Variants in MLIP observed in about 807,000 individuals in gnomAD.
MLIP encodes muscular LMNA interacting protein.
Under a neutral mutation model 84.8 loss-of-function variants are expected in MLIP, and 79 were observed. That is an observed-to-expected ratio of 0.93 (90% CI 0.78 to 1.12). The LOEUF (loss-of-function observed/expected upper bound fraction) is 1.12, where lower values mean the gene tolerates loss of function less well. Among genes scored for constraint, MLIP ranks in the 50% most tolerant of loss-of-function variants. The pLI, the probability that MLIP is intolerant of heterozygous loss-of-function variation, is 0.00. For synonymous variants in MLIP, 504 were observed against 463.0 expected (o/e 1.09, Z -1.14); for missense variants, 1,257 against 1,160.6 (o/e 1.08, Z -1.21).
intron 3 of MLIP, among the ~76,000 whole-genome samples, chr6:54,131,703 G>T (rs16884761): frequency 0.07 from 10,586 of 152,200 alleles, 524 homozygotes; most frequent in East Asian, 0.22. Context: ...GGAAATATAG[G>T]ATCAAGAAAG....
upstream of MLIP, among the ~76,000 whole-genome samples, chr6:54,107,008 G>C (rs945513125): frequency 1.3e-5 from 2 of 152,202 alleles, no homozygotes; most frequent in Non-Finnish European, 2.9e-5. Context: ...TGGATTGCCT[G>C]AAACCAAGCT....
chr6:54,254,742 C>CCCTTCCTT lies in MLIP; in HGVS notation c.2923-2547_2923-2540dup, dbSNP rs372950271. ...TAGAATCTTCTTTTTTTTTCTCCCT[C>CCCTTCCTT]CCTTCCTTCCTTCCTTCCTTCCTTC... On this transcript the variant is annotated intron_variant, in intron 12 of 13. Coordinates refer to ENST00000502396, the MANE Select transcript of MLIP (RefSeq NM_001281747.2). Among the ~76,000 whole-genome samples the CCCTTCCTT allele has an allele frequency of 3.8e-3, 473 of 125,056 alleles. 4 individuals are homozygous for CCCTTCCTT. Among genetic ancestry groups the CCCTTCCTT allele is most frequent in the African/African-American group, 0.013 (387 of 30,304 alleles). The allele number at this position is 125,056 out of a possible 152,430, so 82.0% of individuals were successfully genotyped here.
intron 12 of MLIP, among the ~76,000 whole-genome samples, chr6:54,242,967 T>C (rs1287671930): frequency 2.0e-5 from 3 of 152,150 alleles, no homozygotes; most frequent in African/African-American, 7.2e-5. Flanking sequence ...TAAAGATGTA[T>C]TGAATATCTG....
chr6:54,024,493 T>C (rs1451930857), intron 1 of MLIP, among the ~76,000 whole-genome samples: 4 of 152,158 alleles, frequency 2.6e-5, no homozygotes, highest in Admixed American at 6.5e-5. Context: ...CTAGTGCCTA[T>C]TGGATGACAA....
chr6:54,242,957 T>C (rs1400494195), intron 12 of MLIP, among the ~76,000 whole-genome samples: 1 of 152,204 alleles, frequency 6.6e-6, no homozygotes, highest in East Asian at 1.9e-4. Flanking sequence ...ATTCATTTCC[T>C]AAAGATGTAT....
intron 1 of MLIP, among the ~76,000 whole-genome samples, chr6:54,038,838 T>C (rs1764589426): frequency 6.6e-6 from 1 of 151,920 alleles, no homozygotes; most frequent in South Asian, 2.1e-4. Context: ...TTTTATTACA[T>C]AAAATAACTC....
intron 5 of MLIP, among the ~76,000 whole-genome samples, chr6:54,159,376 A>G (rs1209219665): frequency 6.6e-6 from 1 of 152,110 alleles, no homozygotes; most frequent in Non-Finnish European, 1.5e-5. Context: ...AGCTTGCCTT[A>G]TTCTGCTTCT....
At chr6:54,171,207 A>C (rs1775738365) in intron 9 of MLIP, among the ~76,000 whole-genome samples, 1 of 151,558 alleles carries the variant, frequency 6.6e-6, no homozygotes, top group Admixed American at 6.6e-5. Flanking sequence ...CTTTCAATCA[A>C]CTATCAGATT....
chr6:54,104,368 T>C (rs1262566102), intron 1 of MLIP, among the ~76,000 whole-genome samples: 1 of 152,188 alleles, frequency 6.6e-6, no homozygotes, highest in Non-Finnish European at 1.5e-5. Flanking sequence ...TCCTTTATGA[T>C]ATATGTAAAA....
At chr6:54,237,594 C>T (rs1168947851) in intron 12 of MLIP, among the ~76,000 whole-genome samples, 2 of 151,220 alleles carry the variant, frequency 1.3e-5, no homozygotes, top group African/African-American at 4.9e-5. Flanking sequence ...GCCTGTAATC[C>T]CAACACTTTG....
At chr6:54,076,707 C>T (rs995829815) in intron 1 of MLIP, among the ~76,000 whole-genome samples, 5 of 152,070 alleles carry the variant, frequency 3.3e-5, no homozygotes, top group Non-Finnish European at 7.4e-5. Context: ...AAAATCAAAG[C>T]CTGAATACAA....
intron 11 of MLIP, chr6:54,216,139 A>G: frequency 1.0e-6 from 1 of 984,686 alleles, no homozygotes; most frequent in Non-Finnish European, 1.2e-6. Flanking sequence ...TGAAATACTC[A>G]CTATCAAAGG....
At chr6:54,091,950 C>T (rs1273434082) in intron 1 of MLIP, among the ~76,000 whole-genome samples, 2 of 152,080 alleles carry the variant, frequency 1.3e-5, no homozygotes, top group South Asian at 2.1e-4. Context: ...CTAAACTAAG[C>T]GTGTGTTTCT....
intron 11 of MLIP, among the ~76,000 whole-genome samples, chr6:54,210,635 G>A (rs1412286679): frequency 3.4e-5 from 5 of 145,794 alleles, no homozygotes; most frequent in African/African-American, 1.3e-4. Flanking sequence ...CCAAGACTCT[G>A]AACTCTGCAG....
At chr6:54,113,107 G>A (rs1310742845) in intron 1 of MLIP, among the ~76,000 whole-genome samples, 2 of 152,124 alleles carry the variant, frequency 1.3e-5, no homozygotes, top group Non-Finnish European at 2.9e-5. Flanking sequence ...ACCATGGGGT[G>A]CTTATAATGA....
At chr6:54,133,820 A>G (rs1358404048) in intron 3 of MLIP, among the ~76,000 whole-genome samples, 6 of 152,186 alleles carry the variant, frequency 3.9e-5, no homozygotes, top group Non-Finnish European at 7.4e-5. Flanking sequence ...TGTTTTCCAG[A>G]GTTCCAGATA....
chr6:54,032,458 A>G (rs1288549075), intron 1 of MLIP: 1 of 152,208 alleles, frequency 6.6e-6, no homozygotes, highest in East Asian at 1.9e-4. Context: ...ACCATACACA[A>G]TAATGATGAG....
chr6:54,188,065 T>C (rs1168884341), intron 9 of MLIP, among the ~76,000 whole-genome samples: 1 of 152,222 alleles, frequency 6.6e-6, no homozygotes. Context: ...AGTATTTATG[T>C]ATCTAAACAT....
At chr6:54,247,464 G>A (rs968421288) in intron 12 of MLIP, among the ~76,000 whole-genome samples, 4 of 152,106 alleles carry the variant, frequency 2.6e-5, no homozygotes, top group African/African-American at 9.7e-5. Context: ...CTAAGACCAA[G>A]TTAGAGTGCC....
Sources: allele counts gnomAD v4.1 joint callset (sites outside exome capture counted in the v4.1 genomes callset), GRCh38; gene constraint gnomAD v4.1.1; transcripts MANE v1.5; gene names NCBI Gene and HGNC (gene_info 2026-07-23, HGNC 2026-07-21).